The following ARHGEF12 variants were observed in gnomAD, a reference collection of about 807,000 sequenced individuals.
ARHGEF12 encodes Rho guanine nucleotide exchange factor 12.
In ARHGEF12, 66 loss-of-function variants were observed where a neutral mutation model predicts 211.2. The ratio of observed to expected loss-of-function variants is 0.31; its 90% CI spans 0.26 to 0.38. ARHGEF12 has a LOEUF of 0.38. Among genes scored for constraint, ARHGEF12 ranks in the 10% least tolerant of loss-of-function variants. ARHGEF12 has a pLI of 1.00. For missense variants in ARHGEF12, 1,429 were observed against 1,869.5 expected, an observed-to-expected ratio of 0.76 and a Z score of 4.34; for synonymous variants, 592 against 638.4, an observed-to-expected ratio of 0.93 and a Z score of 1.09.
intron 1 of ARHGEF12, among the ~76,000 whole-genome samples, chr11:120,357,818 C>T (rs546763376): frequency 2.6e-5 from 4 of 152,360 alleles, no homozygotes; most frequent in African/African-American, 7.2e-5. Flanking sequence ...GATCCGCCCA[C>T]CTCAGCCTCC....
chr11:120,428,378 T>A, intron 8 of ARHGEF12, 131 bp downstream of exon 8: 1 of 756,640 alleles, frequency 1.3e-6, no homozygotes, highest in Non-Finnish European at 1.9e-6. Context: ...TTTACTAATA[T>A]AAAAATTACA....
intron 39 of ARHGEF12, among the ~76,000 whole-genome samples, chr11:120,481,909 G>A (rs771681109): frequency 5.3e-5 from 8 of 151,884 alleles, no homozygotes; most frequent in South Asian, 2.1e-4. Flanking sequence ...ACAGGCACCC[G>A]CCCCCACGCC....
chr11:120,462,575 C>T (rs893394886), intron 27 of ARHGEF12: 1 of 152,034 alleles, frequency 6.6e-6, no homozygotes, highest in African/African-American at 2.4e-5. Flanking sequence ...CTGCAAAGTA[C>T]AATAAAAATG....
intron 1 of ARHGEF12, among the ~76,000 whole-genome samples, chr11:120,393,924 G>A (rs954179640): frequency 2.0e-5 from 3 of 151,772 alleles, no homozygotes; most frequent in Admixed American, 2.0e-4. Context: ...ATTCTGGGCT[G>A]TGAAGTAAAT....
In ARHGEF12 at chr11:120,487,123, AAT is replaced by A. The variant is rs1305116535; in HGVS notation, c.*2050_*2051del. ...AGGGCAATTAATCAGGAGAAAAGTA[AAT>A]ATAAAAACTTTGCTCTTAACGTCAC... On this transcript the variant is annotated 3_prime_UTR_variant, in exon 41 of 41. Transcript: ENST00000397843. 1.9e-5 allele frequency: 4 copies of A among 207,388 alleles called. No individual in the cohort carries two copies. The highest frequency in any genetic ancestry group is 1.0e-4 in the African/African-American group (4 of 38,230). 12.8% of individuals were successfully genotyped at this position (207,388 alleles called of 1,614,324 possible). A position where few individuals can be genotyped will look rare whatever the true frequency, so the allele number is the denominator to read the frequency against.
intron 22 of ARHGEF12, among the ~76,000 whole-genome samples, chr11:120,453,804 C>T (rs1409911530): frequency 6.6e-6 from 1 of 152,160 alleles, no homozygotes; most frequent in Non-Finnish European, 1.5e-5. Flanking sequence ...AGATAGAACC[C>T]AGTCTGCTCA....
intron 8 of ARHGEF12, among the ~76,000 whole-genome samples, chr11:120,428,759 A>C (rs1407333028): frequency 6.6e-6 from 1 of 152,216 alleles, no homozygotes; most frequent in Non-Finnish European, 1.5e-5. Flanking sequence ...GAAGAAGAAC[A>C]ATAAATAGAA....
chr11:120,465,727 C>T (rs1181405077), intron 28 of ARHGEF12, among the ~76,000 whole-genome samples: 2 of 152,164 alleles, frequency 1.3e-5, no homozygotes, highest in African/African-American at 2.4e-5. Flanking sequence ...CTCGGCCTCC[C>T]GAAGGGATTA....
chr11:120,467,590 A>G (rs566939750), intron 29 of ARHGEF12, among the ~76,000 whole-genome samples: 75 of 148,434 alleles, frequency 5.1e-4, no homozygotes, highest in African/African-American at 1.8e-3. Flanking sequence ...CTACAGGGGT[A>G]CACCACCACA....
In ARHGEF12 at chr11:120,441,829, T is replaced by C. The variant is rs1415985451; in HGVS notation, c.1203+12T>C. On this transcript the variant is annotated intron_variant, in intron 14 of 40. Coordinates refer to ENST00000397843, the MANE Select transcript of ARHGEF12 (RefSeq NM_015313.3). The stretch of plus-strand genomic sequence containing the variant: ...ACCCTGCGACTTTGGTAATATATTT[T>C]ACAATCTAGCAGATTCAGAGTTCTT... The C allele has an allele frequency of 6.2e-7, 1 of 1,607,768 alleles. No individual in the cohort carries two copies. The highest frequency in any genetic ancestry group is 2.2e-5 in the East Asian group (1 of 44,834).
chr11:120,337,369 T>C, intron 1 of ARHGEF12, 94 bp downstream of exon 1: 6 of 1,594,954 alleles, frequency 3.8e-6, no homozygotes, highest in South Asian at 1.1e-5. Flanking sequence ...GCCAGCGAAG[T>C]TGACAGGCAG....
At chr11:120,340,504 T>C (rs554372575) in intron 1 of ARHGEF12, among the ~76,000 whole-genome samples, 11 of 152,262 alleles carry the variant, frequency 7.2e-5, no homozygotes, top group African/African-American at 2.2e-4. Flanking sequence ...ATTTTTAAAG[T>C]GAGTGTGGAA....
In ARHGEF12 at chr11:120,489,091, A is replaced by G. The variant is rs1189615845; in HGVS notation, c.*4014A>G. The G allele has an allele frequency of 1.8e-5, 4 of 223,272 alleles. No homozygotes were observed. The highest frequency in any genetic ancestry group is 1.7e-4 in the Admixed American group (3 of 17,456). The allele number at this position is 223,272 out of a possible 1,614,324, so 13.8% of individuals were successfully genotyped here. A position where few individuals can be genotyped will look rare whatever the true frequency, so the allele number is the denominator to read the frequency against. ...TTTGTCTTGTCCAAGTTATATTAGA[A>G]AAGTTGAGGAGTCGAGGAGCCTGTA... On this transcript the variant is annotated 3_prime_UTR_variant, in exon 41 of 41. Transcript: ENST00000397843.
intron 1 of ARHGEF12, among the ~76,000 whole-genome samples, chr11:120,365,131 A>G (rs1308617335): frequency 6.6e-6 from 1 of 151,928 alleles, no homozygotes; most frequent in Non-Finnish European, 1.5e-5. Flanking sequence ...TTATAGATGA[A>G]TTTTGTTTTA....
At chr11:120,450,024 G>A (rs1271321915) in intron 21 of ARHGEF12, 1 of 152,170 alleles carries the variant, frequency 6.6e-6, no homozygotes, top group East Asian at 1.9e-4. Flanking sequence ...TAGGGATGGT[G>A]GTACCATGGG....
intron 1 of ARHGEF12, among the ~76,000 whole-genome samples, chr11:120,396,923 A>G (rs1030568209): frequency 6.6e-6 from 1 of 152,226 alleles, no homozygotes; most frequent in Non-Finnish European, 1.5e-5. Flanking sequence ...CATGTTTAAT[A>G]CAGAGAAACT....
intron 6 of ARHGEF12, among the ~76,000 whole-genome samples, chr11:120,423,026 A>G (rs745757379): frequency 2.6e-5 from 4 of 152,214 alleles, no homozygotes; most frequent in Non-Finnish European, 4.4e-5. Context: ...CACAGACCAG[A>G]TATCCTTAAA....
chr11:120,337,791 T>C (rs2135209010), intron 1 of ARHGEF12: 2 of 985,458 alleles, frequency 2.0e-6, no homozygotes, highest in African/African-American at 1.7e-5. Flanking sequence ...TATTATCTAA[T>C]AACTTTCCAG....
At chr11:120,360,225 G>T (rs555328929) in intron 1 of ARHGEF12, among the ~76,000 whole-genome samples, 1 of 152,130 alleles carries the variant, frequency 6.6e-6, no homozygotes, top group African/African-American at 2.4e-5. Context: ...AAAGAGGCTG[G>T]AAGGCCAATT....
Sources: gnomAD v4.1 joint callset for allele counts (sites outside exome capture counted in the v4.1 genomes callset) on GRCh38, gnomAD v4.1.1 for gene constraint, MANE v1.5 for transcripts, NCBI Gene and HGNC (gene_info 2026-07-23, HGNC 2026-07-21) for gene names.